Variants in PCBP4 observed in about 807,000 individuals in gnomAD.
The protein encoded by PCBP4 is poly(rC)-binding protein 4.
In PCBP4, 24 loss-of-function variants were observed where a neutral mutation model predicts 46.2. The ratio of observed to expected loss-of-function variants is 0.52; its 90% confidence interval spans 0.38 to 0.73. PCBP4 has a LOEUF of 0.73. Among genes scored for constraint, PCBP4 ranks in the 30% least tolerant of loss-of-function variants. The probability of loss-of-function intolerance (pLI) is 0.00; values close to 1 mark genes in which losing one functional copy is unlikely to be tolerated. For missense variants in PCBP4, 407 were observed against 537.0 expected (o/e 0.76, Z 2.39); for synonymous variants, 203 against 224.4 (o/e 0.90, Z 0.85).
At chr3:51,962,977 C>G (rs1700251538) in intron 1 of PCBP4, 1 of 152,332 alleles carries the variant, frequency 6.6e-6, no homozygotes, top group Non-Finnish European at 1.5e-5. Context: ...AGACATTCCC[C>G]CAGCTGCCTG....
chr3:51,961,084 C>T (rs1179888450), intron 3 of PCBP4, 51 bp from the exon 4 acceptor site: 2 of 1,614,162 alleles, frequency 1.2e-6, no homozygotes, highest in Admixed American at 1.7e-5. Flanking sequence ...CAGGCCCAGC[C>T]CCTCCCCACT....
intron 1 of PCBP4, chr3:51,962,896 G>A (rs1700247096): frequency 6.6e-6 from 1 of 152,280 alleles, no homozygotes; most frequent in African/African-American, 2.4e-5. Context: ...CCAGAGGCTG[G>A]AGATGAGCAG....
At chr3:51,965,121 T>G (rs1700359912) in intron 1 of PCBP4, among the ~76,000 whole-genome samples, 1 of 152,168 alleles carries the variant, frequency 6.6e-6, no homozygotes, top group South Asian at 2.1e-4. Context: ...CACTCTCTCA[T>G]CTACATTGAG....
intron 1 of PCBP4, among the ~76,000 whole-genome samples, chr3:51,965,339 C>G (rs1700370561): frequency 6.6e-6 from 1 of 152,240 alleles, no homozygotes; most frequent in South Asian, 2.1e-4. Flanking sequence ...CACTTAGCAC[C>G]TCCAGCCCTT....
At position 51,960,985 on chromosome 3, in the gene PCBP4, G is replaced by A; in HGVS notation, c.105+25C>T. 1 of 1,614,206 alleles carries A rather than the reference G, an allele frequency of 6.2e-7. No homozygotes were observed. Among genetic ancestry groups the A allele is most frequent in the South Asian group, 1.1e-5 (1 of 91,084 alleles). ...GCTGAAGCCTCAGCTGGAGGGGGAT[G>A]TACAGAGCAGAGCTAGGCACCTACC... is the stretch of plus-strand genomic sequence containing the variant. On this transcript the variant is annotated intron_variant, in intron 4 of 13. Coordinates refer to ENST00000461554, the MANE Select transcript of PCBP4 (RefSeq NM_001174100.2). The surrounding 1 kb of genome is among the most constrained non-coding windows in gnomAD (Gnocchi z 5.0).
Position 51,960,647 on chromosome 3 carries a change from A to G in PCBP4, c.139-5T>C, listed in dbSNP as rs747006147. On this transcript the variant is annotated splice_region_variant and splice_polypyrimidine_tract_variant and intron_variant, in intron 5 of 13. Transcript: ENST00000461554. This position sits in a 1 kb window ranked among gnomAD's most constrained non-coding sequence, Gnocchi z 5.0. ...GATGGTGATCCGGGCACTGCTCTGC[A>G]GATATAGAATGAGCGCCGGGCAGCG... 10 of 1,609,320 alleles carry G rather than the reference A, an allele frequency of 6.2e-6. No individual in the cohort carries two copies. In the Admixed American group the frequency reaches 8.3e-5, roughly 13 times the overall value.
chr3:51,961,220 T>TC lies in PCBP4; in HGVS notation c.20dup (p.Leu8ThrfsTer53). 1.2e-6 allele frequency: 2 copies of TC among 1,611,962 alleles called. No homozygotes were observed. The highest frequency in any genetic ancestry group is 1.7e-6 in the Non-Finnish European group (2 of 1,179,886). ...TGCTGAGCTCTGGCTCCTCCTCCAG[T>TC]CCCCCGTCCGAGCCGCTCATTCTGT... On this transcript the variant is annotated frameshift_variant, in exon 3 of 14. Coordinates refer to ENST00000461554, the MANE Select transcript of PCBP4 (RefSeq NM_001174100.2). LOFTEE classifies it high-confidence loss of function.
At chr3:51,967,114 G>A (rs1230123042) in intron 1 of PCBP4, among the ~76,000 whole-genome samples, 2 of 152,106 alleles carry the variant, frequency 1.3e-5, no homozygotes, top group African/African-American at 4.8e-5. Context: ...TGGGATCTAA[G>A]GTCCAGGAAG....
Position 51,959,436 on chromosome 3 carries a change from G to A in PCBP4, c.592-25C>T, listed in dbSNP as rs986481055. The A allele has an allele frequency of 1.9e-6, 3 of 1,591,508 alleles. No homozygotes were observed. The highest frequency in any genetic ancestry group is 2.6e-6 in the Non-Finnish European group (3 of 1,167,654). Reference sequence around the variant, plus strand: ...CCTGTGGGGACAAAGTGGATGAAAAGGGGGTTACTGTGACATTGCAGTTCA... The same window carrying A: ...CCTGTGGGGACAAAGTGGATGAAAAAGGGGTTACTGTGACATTGCAGTTCA... On this transcript the variant is annotated intron_variant, in intron 9 of 13. Coordinates refer to ENST00000461554, the MANE Select transcript of PCBP4 (RefSeq NM_001174100.2). This position sits in a 1 kb window ranked among gnomAD's most constrained non-coding sequence, Gnocchi z 5.6.
At chr3:51,961,826 C>G (rs531816451) in intron 2 of PCBP4, 115 bp downstream of exon 2, 3 of 930,416 alleles carry the variant, frequency 3.2e-6, no homozygotes, top group East Asian at 2.3e-4. Flanking sequence ...GAAGCTGGAG[C>G]AGCCATGGGA....
In PCBP4 at chr3:51,959,298, C is replaced by G; in HGVS notation, c.637-6G>C. ...AGCTGCTGGAGCTTGGTGACCTGTG[C>G]CAAAGAGGGGTCAGAGGTCAGAGGA... On this transcript the variant is annotated splice_polypyrimidine_tract_variant and splice_region_variant and intron_variant, in intron 10 of 13. Coordinates refer to ENST00000461554, the MANE Select transcript of PCBP4 (RefSeq NM_001174100.2). This position sits in a 1 kb window ranked among gnomAD's most constrained non-coding sequence, Gnocchi z 5.6. The G allele has an allele frequency of 1.2e-6, 2 of 1,613,892 alleles. No individual in the cohort carries two copies. The highest frequency in any genetic ancestry group is 2.7e-5 in the African/African-American group (2 of 74,968).
At chr3:51,962,473 C>T (rs543218320) in intron 1 of PCBP4, among the ~76,000 whole-genome samples, 1 of 152,240 alleles carries the variant, frequency 6.6e-6, no homozygotes, top group African/African-American at 2.4e-5. Context: ...GGGACCAGAA[C>T]CCTATGGGGA....
intron 1 of PCBP4, among the ~76,000 whole-genome samples, chr3:51,965,474 T>C (rs1700379362): frequency 6.6e-6 from 1 of 152,174 alleles, no homozygotes; most frequent in African/African-American, 2.4e-5. Flanking sequence ...ATGTGATCAC[T>C]CAGGCCTCTG....
intron 2 of PCBP4, 81 bp downstream of exon 2, chr3:51,961,860 G>A (rs565269421): frequency 1.2e-5 from 7 of 579,498 alleles, no homozygotes; most frequent in South Asian, 1.5e-4. Flanking sequence ...GGGAGGCCTC[G>A]GGTGTGGTCA....
intron 2 of PCBP4, 90 bp from the exon 3 acceptor site, chr3:51,961,394 A>G (rs986407648): frequency 2.9e-6 from 4 of 1,378,780 alleles, no homozygotes; most frequent in African/African-American, 1.5e-5. Flanking sequence ...GGGCTAGTCA[A>G]ACTCCCAGAG....
intron 1 of PCBP4, among the ~76,000 whole-genome samples, chr3:51,966,673 C>T (rs1000596514): frequency 3.3e-5 from 5 of 151,838 alleles, no homozygotes; most frequent in East Asian, 1.9e-4. Context: ...GTGCTGGGGC[C>T]GGGTGGGGCA....
In PCBP4 at chr3:51,958,181, G is replaced by T. The variant is rs1366587915; in HGVS notation, c.1092C>A (p.Pro364=). 1 of 1,613,436 alleles carries T rather than the reference G, an allele frequency of 6.2e-7. No homozygotes were observed. Among genetic ancestry groups the T allele is most frequent in the African/African-American group, 1.3e-5 (1 of 74,912 alleles). The change falls in exon 14 of 14, where the codon CCC becomes CCA. Residue 364 remains proline (P), a synonymous_variant. Coordinates refer to ENST00000461554, the MANE Select transcript of PCBP4 (RefSeq NM_001174100.2). This position sits in a 1 kb window ranked among gnomAD's most constrained non-coding sequence, Gnocchi z 5.4. ...LSNFIGLKPM[P]FLALPPASPG... ...GGGAAGCAGGTGGTAAAGCCAAGAA[G>T]GGCATGGGCTTGAGGCCGATGAAGT... is the stretch of plus-strand genomic sequence containing the variant.
chr3:51,960,464 A>T lies in PCBP4; in HGVS notation c.255+62T>A. On this transcript the variant is annotated intron_variant, in intron 6 of 13. Transcript: ENST00000461554. This position sits in a 1 kb window ranked among gnomAD's most constrained non-coding sequence, Gnocchi z 5.0. ...CCTCCCACCCATAGCCACTATCTGG[A>T]GTCAGAGTTGGGTTCCTCCTGGGGA... is the stretch of plus-strand genomic sequence containing the variant. 6.4e-7 allele frequency: 1 copy of T among 1,553,596 alleles called. No homozygotes were observed. Among genetic ancestry groups the T allele is most frequent in the Non-Finnish European group, 8.9e-7 (1 of 1,125,690 alleles).
At position 51,957,554 on chromosome 3, in the gene PCBP4, A is replaced by T. The variant is rs1480686388; in HGVS notation, c.*507T>A. On this transcript the variant is annotated 3_prime_UTR_variant, in exon 14 of 14. Transcript: ENST00000461554. ...GGCCCCTGCCCCATGCCACTCCCCC[A>T]GCTACCTGGCAGTGCCCCCTCTTTG... 6.4e-6 allele frequency: 1 copy of T among 156,488 alleles called. No homozygotes were observed. Among genetic ancestry groups the T allele is most frequent in the African/African-American group, 2.4e-5 (1 of 41,462 alleles). 9.7% of individuals were successfully genotyped at this position (156,488 alleles called of 1,614,324 possible). A position where few individuals can be genotyped will look rare whatever the true frequency, so the allele number is the denominator to read the frequency against.
Sources: gnomAD v4.1 joint callset for allele counts (sites outside exome capture counted in the v4.1 genomes callset) on GRCh38, gnomAD v4.1.1 for gene constraint, Gnocchi (gnomAD v3.1) non-coding constraint, MANE v1.5 for transcripts, NCBI Gene and HGNC (gene_info 2026-07-23, HGNC 2026-07-21) for gene names.